Variants in PALD1 observed in about 807,000 individuals in gnomAD.
PALD1 encodes the protein paladin.
In PALD1, 57 loss-of-function variants were observed where a neutral mutation model predicts 96.0. The ratio of observed to expected loss-of-function variants is 0.59; its 90% CI spans 0.48 to 0.74. PALD1 has a LOEUF of 0.74. PALD1 is among the 30% of genes least tolerant of loss of function. PALD1 has a pLI of 0.00. For synonymous variants in PALD1, 464 were observed against 473.6 expected (o/e 0.98, Z 0.26); for missense variants, 1,063 against 1,143.7 (o/e 0.93, Z 1.02).
chr10:70,538,380 C>T lies in PALD1; in HGVS notation c.1424C>T (p.Pro475Leu), dbSNP rs367934354. ...CTGAGCTCAGCAGGCCCTGTGGCTC[C>T]GAGGGACCTCATCGCCAGGGGCTCC... ...VTLSSAGPVA[P>L]RDLIARGSLR... The change falls in exon 12 of 20, where the codon CCG (proline) becomes CTG (leucine). Residue 475 changes from proline to leucine, a missense_variant. Physicochemically the swap from Pro to Leu is moderately conservative, Grantham distance 98. Coordinates refer to ENST00000263563, the MANE Select transcript of PALD1 (RefSeq NM_014431.3). 46 of 1,611,462 alleles carry T rather than the reference C, an allele frequency of 2.9e-5. No homozygotes were observed. The highest frequency in any genetic ancestry group is 1.6e-4 in the Middle Eastern group (1 of 6,084).
intron 18 of PALD1, among the ~76,000 whole-genome samples, chr10:70,549,724 A>ACT (rs1847441807): frequency 6.6e-6 from 1 of 151,934 alleles, no homozygotes; most frequent in Non-Finnish European, 1.5e-5. Context: ...GTGAGTTGGC[A>ACT]CTCCTCCCTG....
At chr10:70,473,790 C>T (rs1049450683), upstream of PALD1, among the ~76,000 whole-genome samples, 5 of 151,994 alleles carry the variant, frequency 3.3e-5, no homozygotes, top group Admixed American at 1.3e-4. Flanking sequence ...GGATTACAGG[C>T]GCACGCCACT....
chr10:70,492,597 C>G (rs772963305), intron 1 of PALD1, among the ~76,000 whole-genome samples: 1 of 151,782 alleles, frequency 6.6e-6, no homozygotes, highest in Non-Finnish European at 1.5e-5. Flanking sequence ...GCTGGGATTA[C>G]AGGTACCTGC....
intron 1 of PALD1, among the ~76,000 whole-genome samples, chr10:70,498,301 G>A (rs532666692): frequency 1.3e-5 from 2 of 151,910 alleles, no homozygotes; most frequent in Non-Finnish European, 2.9e-5. Context: ...TTAGAGATGG[G>A]GTCTTGCTCT....
chr10:70,539,892 G>T lies in PALD1; in HGVS notation c.1908+130G>T. On this transcript the variant is annotated intron_variant, in intron 15 of 19. Coordinates refer to ENST00000263563, the MANE Select transcript of PALD1 (RefSeq NM_014431.3). This position sits in a 1 kb window ranked among gnomAD's most constrained non-coding sequence, Gnocchi z 4.5. ...CGGGGCCCGGGAATGGTCTCACGAG[G>T]TTTTCCGATTTGGCCCAAGTGGTTT... The T allele has an allele frequency of 1.3e-6, 1 of 754,290 alleles. No individual in the cohort carries two copies. Among genetic ancestry groups the T allele is most frequent in the Non-Finnish European group, 2.1e-6 (1 of 473,670 alleles). The allele number at this position is 754,290 out of a possible 1,614,324, so 46.7% of individuals were successfully genotyped here. A position where few individuals can be genotyped will look rare whatever the true frequency, so the allele number is the denominator to read the frequency against.
chr10:70,539,590 C>A lies in PALD1; in HGVS notation c.1736C>A (p.Ala579Asp). The change falls in exon 15 of 20, where the codon GCC becomes GAC. Residue 579 changes from alanine (A) to aspartate (D), a missense_variant. Ala to Asp is a moderately radical substitution (Grantham distance 126). Coordinates refer to ENST00000263563, the MANE Select transcript of PALD1 (RefSeq NM_014431.3). The surrounding 1 kb of genome is among the most constrained non-coding windows in gnomAD (Gnocchi z 4.5). ...VAPDQLETLEAQLKAHLSEPP... is the reference protein window; with the variant it reads ...VAPDQLETLEDQLKAHLSEPP... ...CCTGCCCTTGCCCAGACCCTGGAGG[C>A]CCAGCTGAAGGCCCATCTAAGCGAG... 1 of 1,608,918 alleles carries A rather than the reference C, an allele frequency of 6.2e-7. No individual in the cohort carries two copies. Among genetic ancestry groups the A allele is most frequent in the Non-Finnish European group, 8.5e-7 (1 of 1,177,010 alleles).
chr10:70,532,993 A>G lies in PALD1; in HGVS notation c.795-2A>G. On this transcript the variant is annotated splice_acceptor_variant, in intron 6 of 19. Transcript: ENST00000263563. LOFTEE classifies it high-confidence loss of function. ...TGATGGCTGCTCTCCCTCACCTGGC[A>G]GGTACCACCGCCTGCCCCTGCCCGA... The G allele has an allele frequency of 6.3e-7, 1 of 1,575,730 alleles. No homozygotes were observed. Among genetic ancestry groups the G allele is most frequent in the Non-Finnish European group, 8.6e-7 (1 of 1,160,484 alleles).
intron 1 of PALD1, among the ~76,000 whole-genome samples, chr10:70,512,285 A>G (rs1846530227): frequency 6.6e-6 from 1 of 151,910 alleles, no homozygotes; most frequent in Non-Finnish European, 1.5e-5. Flanking sequence ...TGGGGGATGA[A>G]GGCATTGTGA....
intron 1 of PALD1, among the ~76,000 whole-genome samples, chr10:70,506,537 T>C (rs1391727741): frequency 2.0e-5 from 3 of 152,134 alleles, no homozygotes; most frequent in Non-Finnish European, 2.9e-5. Flanking sequence ...CCTGCTGCCA[T>C]TATTATCCTT....
At chr10:70,556,314 GTC>G (rs1213880719) in intron 18 of PALD1, among the ~76,000 whole-genome samples, 7 of 84,070 alleles carry the variant, frequency 8.3e-5, no homozygotes, top group African/African-American at 2.6e-4. Flanking sequence ...CTCTGTCTCT[GTC>G]TCTCTGTCTC....
chr10:70,541,613 C>A, intron 17 of PALD1, 79 bp downstream of exon 17: 4 of 1,026,352 alleles, frequency 3.9e-6, no homozygotes, highest in South Asian at 1.3e-5. Context: ...GTCTAGGGGT[C>A]CTCAAAGCAC....
chr10:70,531,227 A>G (rs1564699347), intron 4 of PALD1, 63 bp from the exon 5 acceptor site: 2 of 1,390,574 alleles, frequency 1.4e-6, no homozygotes, highest in South Asian at 1.2e-5. Flanking sequence ...GAGGTGGGGC[A>G]GTGGTGCAGG....
At chr10:70,522,951 GA>G (rs1198850070) in intron 1 of PALD1, among the ~76,000 whole-genome samples, 1 of 152,226 alleles carries the variant, frequency 6.6e-6, no homozygotes, top group African/African-American at 2.4e-5. Flanking sequence ...CCAGCAGGAG[GA>G]AGGCCCCACG....
At chr10:70,521,217 A>T (rs1242614987) in intron 1 of PALD1, among the ~76,000 whole-genome samples, 2 of 151,858 alleles carry the variant, frequency 1.3e-5, no homozygotes, top group Non-Finnish European at 2.9e-5. Context: ...TGGGGTTGGG[A>T]GTTGTTCAGA....
At chr10:70,498,798 C>T (rs550208949) in intron 1 of PALD1, among the ~76,000 whole-genome samples, 32 of 151,988 alleles carry the variant, frequency 2.1e-4, no homozygotes, top group Middle Eastern at 3.4e-3. Flanking sequence ...CGTGGTAGCG[C>T]GTGCCTGTAA....
At chr10:70,476,394 G>C (rs1035908391), upstream of PALD1, among the ~76,000 whole-genome samples, 1 of 152,196 alleles carries the variant, frequency 6.6e-6, no homozygotes, top group African/African-American at 2.4e-5. Flanking sequence ...GCCCACGGTG[G>C]GGCAGATCTG....
chr10:70,463,130 C>A, the PALD1 span, among the ~76,000 whole-genome samples: 1 of 152,190 alleles, frequency 6.6e-6, no homozygotes, highest in Non-Finnish European at 1.5e-5. Context: ...ATGCGCCGGT[C>A]ATGGTGGCTC....
chr10:70,557,274 C>T (rs1847629850), intron 18 of PALD1, among the ~76,000 whole-genome samples: 2 of 152,144 alleles, frequency 1.3e-5, no homozygotes, highest in Non-Finnish European at 2.9e-5. Context: ...GTCTGGGGCC[C>T]ATGGCAGGTG....
rs747138365 is a variant in PALD1, at chr10:70,515,581, G to A, written c.-29-10342G>A. Among the ~76,000 whole-genome samples the A allele has an allele frequency of 5.3e-5, 8 of 152,356 alleles. No homozygotes were observed. The East Asian group carries it at 1.2e-3, about 22-fold the overall frequency. On this transcript the variant is annotated intron_variant, in intron 1 of 19. Coordinates refer to ENST00000263563, the MANE Select transcript of PALD1 (RefSeq NM_014431.3). ...GCAGCTGGCAGTTGCTGGGAGTTCA[G>A]TGCAGGGTCAGCCATGGTGTGGGGG...
Sources: allele counts gnomAD v4.1 joint callset (sites outside exome capture counted in the v4.1 genomes callset), GRCh38; gene constraint gnomAD v4.1.1; non-coding constraint Gnocchi (gnomAD v3.1); transcripts MANE v1.5; gene names NCBI Gene and HGNC (gene_info 2026-07-23, HGNC 2026-07-21).